Variants in ARHGAP22 observed in about 807,000 individuals in gnomAD.
ARHGAP22 encodes Rho GTPase activating protein 22, also known as rho GTPase-activating protein 22.
In ARHGAP22, 48 loss-of-function variants were observed where a neutral mutation model predicts 59.1. That is an observed-to-expected ratio of 0.81 (90% confidence interval 0.64 to 1.03). The LOEUF is 1.03. ARHGAP22 is among the 50% of genes least tolerant of loss of function. The pLI is 0.00. For synonymous variants in ARHGAP22, 445 were observed against 416.4 expected (o/e 1.07, Z -0.84); for missense variants, 1,015 against 958.7 (o/e 1.06, Z -0.78).
chr10:48,493,399 G>T, intron 3 of ARHGAP22: 1 of 1,516,730 alleles, frequency 6.6e-7, no homozygotes, highest in Non-Finnish European at 8.9e-7. Flanking sequence ...CTCCCAGCCT[G>T]GTCCTCACAG....
chr10:48,470,540 T>G (rs2048135243), intron 4 of ARHGAP22, among the ~76,000 whole-genome samples: 1 of 152,180 alleles, frequency 6.6e-6, no homozygotes, highest in African/African-American at 2.4e-5. Context: ...GAACACCCTC[T>G]ATACCCAGAA....
chr10:48,449,323 C>T (rs1564656931), intron 9 of ARHGAP22, among the ~76,000 whole-genome samples: 1 of 152,220 alleles, frequency 6.6e-6, no homozygotes, highest in Non-Finnish European at 1.5e-5. Context: ...GCAGAGGCCT[C>T]TGCCCTCAAG....
intron 4 of ARHGAP22, among the ~76,000 whole-genome samples, chr10:48,460,123 A>C (rs1260839512): frequency 6.6e-6 from 1 of 152,200 alleles, no homozygotes; most frequent in Non-Finnish European, 1.5e-5. Flanking sequence ...AGACAGCAGG[A>C]GGGAGCAGTG....
At chr10:48,515,853 G>C (rs1409226541) in intron 3 of ARHGAP22, among the ~76,000 whole-genome samples, 1 of 152,122 alleles carries the variant, frequency 6.6e-6, no homozygotes, top group Non-Finnish European at 1.5e-5. Context: ...TGGCATCTGT[G>C]CTAGCATCTT....
At chr10:48,519,386 C>A (rs576072839) in intron 3 of ARHGAP22, among the ~76,000 whole-genome samples, 29 of 152,226 alleles carry the variant, frequency 1.9e-4, no homozygotes, top group Non-Finnish European at 3.8e-4. Flanking sequence ...AGCAAAGGGG[C>A]ACAGGGTCTG....
intron 5 of ARHGAP22, among the ~76,000 whole-genome samples, chr10:48,455,896 C>A (rs1333958735): frequency 1.3e-5 from 2 of 152,190 alleles, no homozygotes; most frequent in Non-Finnish European, 2.9e-5. Context: ...AGTGGTGACA[C>A]CTAGGCTTCT....
rs753760128 is a variant in ARHGAP22, at chr10:48,450,318, G to A, written c.1811C>T (p.Thr604Ile). 1 of 1,606,556 alleles carries A rather than the reference G, an allele frequency of 6.2e-7. No individual in the cohort carries two copies. Among genetic ancestry groups the A allele is most frequent in the South Asian group, 1.1e-5 (1 of 89,690 alleles). The part of the protein sequence containing the change: ...RRSEALQGLV[T>I]ELRAELCRQR... ...GCGGCACAGCTCGGCCCTGAGCTCA[G>A]TGACCAGCCCCTGTAAGGCCTCGGA... The change falls in exon 9 of 10, where the codon ACT (threonine) becomes ATT (isoleucine). Residue 604 changes from threonine (T) to isoleucine (I), a missense_variant. Transcript: ENST00000249601.
At chr10:48,567,120 C>T (rs1288827688) in intron 2 of ARHGAP22, among the ~76,000 whole-genome samples, 1 of 152,212 alleles carries the variant, frequency 6.6e-6, no homozygotes, top group African/African-American at 2.4e-5. Flanking sequence ...CAGGACCTTG[C>T]ACTAGACTCC....
intron 3 of ARHGAP22, among the ~76,000 whole-genome samples, chr10:48,494,724 G>A (rs567910650): frequency 6.6e-6 from 1 of 152,290 alleles, no homozygotes; most frequent in African/African-American, 2.4e-5. Context: ...ACCCTTCAGA[G>A]GGCCTACTGT....
chr10:48,552,297 C>T (rs1025657151), intron 3 of ARHGAP22, among the ~76,000 whole-genome samples: 3 of 152,256 alleles, frequency 2.0e-5, no homozygotes, highest in Admixed American at 6.5e-5. Context: ...GGAAGTGATC[C>T]GGGGTTTGTC....
At chr10:48,544,641 C>T (rs2056268598) in intron 3 of ARHGAP22, among the ~76,000 whole-genome samples, 1 of 152,190 alleles carries the variant, frequency 6.6e-6, no homozygotes, top group Non-Finnish European at 1.5e-5. Flanking sequence ...TTTGGAATAA[C>T]TTGGGTATGT....
chr10:48,635,080 A>G (rs1395754969), intron 1 of ARHGAP22, among the ~76,000 whole-genome samples: 1 of 152,004 alleles, frequency 6.6e-6, no homozygotes, highest in Non-Finnish European at 1.5e-5. Flanking sequence ...GAGCAGACTC[A>G]TGTACCTGCC....
At chr10:48,566,665 C>G (rs1394376699) in intron 2 of ARHGAP22, among the ~76,000 whole-genome samples, 1 of 152,200 alleles carries the variant, frequency 6.6e-6, no homozygotes, top group Non-Finnish European at 1.5e-5. Context: ...GTCAGCAGAT[C>G]GGACCTGGGA....
At chr10:48,601,770 T>G (rs1457223381) in intron 1 of ARHGAP22, among the ~76,000 whole-genome samples, 1 of 151,904 alleles carries the variant, frequency 6.6e-6, no homozygotes, top group Non-Finnish European at 1.5e-5. Flanking sequence ...CATAATTGCC[T>G]TGTTTTTTAT....
At chr10:48,447,190 T>C (rs903607328) in intron 9 of ARHGAP22, among the ~76,000 whole-genome samples, 1 of 152,218 alleles carries the variant, frequency 6.6e-6, no homozygotes, top group African/African-American at 2.4e-5. Flanking sequence ...ATGGTGCTCC[T>C]CTGTGCCACC....
intron 4 of ARHGAP22, among the ~76,000 whole-genome samples, chr10:48,476,952 ACTTCTTTGACCCAAGTTTCTCC>A (rs1272095180): frequency 1.3e-5 from 2 of 152,080 alleles, no homozygotes; most frequent in African/African-American, 4.8e-5. Flanking sequence ...AAGTCATCTC[ACTTCTTTGACCCAAGTTTCTCC>A]CTTTGTTTCA....
At chr10:48,570,598 A>G (rs2058336846) in intron 2 of ARHGAP22, among the ~76,000 whole-genome samples, 1 of 152,146 alleles carries the variant, frequency 6.6e-6, no homozygotes, top group African/African-American at 2.4e-5. Flanking sequence ...GGCAAGATCT[A>G]TGGGAGCAGC....
At chr10:48,447,645 TG>T (rs1441785925) in intron 9 of ARHGAP22, among the ~76,000 whole-genome samples, 1 of 151,878 alleles carries the variant, frequency 6.6e-6, no homozygotes, top group Non-Finnish European at 1.5e-5. Flanking sequence ...GGCTCGGGCC[TG>T]GACCTCCCCT....
the ARHGAP22 span, among the ~76,000 whole-genome samples, chr10:48,440,340 A>G: frequency 6.6e-6 from 1 of 152,170 alleles, no homozygotes; most frequent in East Asian, 1.9e-4. Context: ...ACTTAATTTC[A>G]TCCATTAATG....
Sources: gnomAD v4.1 joint callset for allele counts (sites outside exome capture counted in the v4.1 genomes callset) on GRCh38, gnomAD v4.1.1 for gene constraint, MANE v1.5 for transcripts, NCBI Gene and HGNC (gene_info 2026-07-23, HGNC 2026-07-21) for gene names.